The following EBAG9 variants were observed in gnomAD, a reference collection of about 807,000 sequenced individuals.
EBAG9 encodes the protein receptor-binding cancer antigen expressed on SiSo cells.
In EBAG9, 16 loss-of-function variants were observed where a neutral mutation model predicts 30.9. The ratio of observed to expected loss-of-function variants is 0.52; its 90% confidence interval spans 0.35 to 0.79. The LOEUF is 0.79. Among genes scored for constraint, EBAG9 ranks in the 30% least tolerant of loss-of-function variants. The pLI is 0.01. For synonymous variants in EBAG9, 93 were observed against 82.8 expected (o/e 1.12, Z -0.67); for missense variants, 197 against 242.1 (o/e 0.81, Z 1.24).
In EBAG9 at chr8:109,554,735, GT is replaced by G. The variant is rs1337045751; in HGVS notation, c.171del (p.Glu58LysfsTer14). The G allele has an allele frequency of 6.2e-7, 1 of 1,612,882 alleles. No homozygotes were observed. Among genetic ancestry groups the G allele is most frequent in the Non-Finnish European group, 8.5e-7 (1 of 1,179,402 alleles). ...DYSSVPKQTD[V>X]EEWTSWDEDA... is the part of the protein sequence containing the mutation. ...GTTGATCAATTAAATTTAGACAGATGTTGAAGAGTGGACTTCCTGGGATGAA... is the reference window on the plus strand; with the variant it reads ...GTTGATCAATTAAATTTAGACAGATGTGAAGAGTGGACTTCCTGGGATGAA... On this transcript the variant is annotated frameshift_variant, in exon 4 of 7. Coordinates refer to ENST00000337573, the MANE Select transcript of EBAG9 (RefSeq NM_004215.5). LOFTEE classifies it high-confidence loss of function.
At chr8:109,564,019 C>T (rs1181525497) in intron 6 of EBAG9, among the ~76,000 whole-genome samples, 1 of 151,986 alleles carries the variant, frequency 6.6e-6, no homozygotes, top group African/African-American at 2.4e-5. Flanking sequence ...ACTATAATAA[C>T]AGGAGATTAT....
chr8:109,548,887 C>CTTTTTTTTTTTTTTT (rs548152043), intron 1 of EBAG9, among the ~76,000 whole-genome samples: 11 of 125,102 alleles, frequency 8.8e-5, no homozygotes, highest in African/African-American at 1.5e-4. Flanking sequence ...TTTCTTTTTT[C>CTTTTTTTTTTTTTTT]TTTTTTTTTT....
chr8:109,548,501 T>C (rs1323418488), intron 1 of EBAG9, among the ~76,000 whole-genome samples: 1 of 152,140 alleles, frequency 6.6e-6, no homozygotes, highest in Non-Finnish European at 1.5e-5. Context: ...CTTTAGAAAT[T>C]AGCTTGTCAA....
At chr8:109,557,822 A>T in intron 5 of EBAG9, 1 of 378,036 alleles carries the variant, frequency 2.6e-6, no homozygotes, top group Non-Finnish European at 5.5e-6. Flanking sequence ...CACCTGACAA[A>T]TTAATGCTAT....
chr8:109,542,174 TCTC>T (rs766883117), intron 1 of EBAG9, among the ~76,000 whole-genome samples: 10 of 152,072 alleles, frequency 6.6e-5, no homozygotes, highest in East Asian at 1.9e-4. Flanking sequence ...GAGTATCAGT[TCTC>T]CTCTTTTATT....
rs184502213 is a variant in EBAG9 at position 109,543,541 on chromosome 8, A to C, written c.-16+3080A>C. On this transcript the variant is annotated intron_variant, in intron 1 of 6. Transcript: ENST00000337573. The stretch of plus-strand genomic sequence containing the variant: ...TTGAGGTATAGCATACAAACAGTAC[A>C]TACAGTCAAGTATGTGGTGTTACTA... Among the ~76,000 whole-genome samples, 33 of 152,306 alleles carry C rather than the reference A, an allele frequency of 2.2e-4. 1 individual carries two copies. Among genetic ancestry groups the C allele is most frequent in the Admixed American group, 1.9e-3 (29 of 15,296 alleles).
intron 5 of EBAG9, chr8:109,557,847 C>A: frequency 2.9e-6 from 1 of 340,300 alleles, no homozygotes; most frequent in Admixed American, 3.4e-5. Flanking sequence ...TTGCACAAAG[C>A]CTCAGTTCCT....
intron 1 of EBAG9, among the ~76,000 whole-genome samples, chr8:109,542,062 T>G (rs1563651608): frequency 6.6e-6 from 1 of 152,216 alleles, no homozygotes; most frequent in East Asian, 1.9e-4. Flanking sequence ...TACTCTGTGT[T>G]TAATTCAATG....
chr8:109,544,907 T>C (rs1209054274), intron 1 of EBAG9, among the ~76,000 whole-genome samples: 1 of 152,108 alleles, frequency 6.6e-6, no homozygotes, highest in African/African-American at 2.4e-5. Flanking sequence ...ATTTTTAAAA[T>C]TAAATAGTGA....
intron 3 of EBAG9, 148 bp from the exon 4 acceptor site, chr8:109,554,581 G>A: frequency 1.6e-6 from 1 of 642,694 alleles, no homozygotes; most frequent in Non-Finnish European, 2.6e-6. Flanking sequence ...ATCAAGTTTT[G>A]ATCTGTGATA....
intron 4 of EBAG9, among the ~76,000 whole-genome samples, 167 bp from the exon 5 acceptor site, chr8:109,556,768 G>A (rs962274833): frequency 7.9e-5 from 12 of 151,940 alleles, no homozygotes; most frequent in Non-Finnish European, 1.3e-4. Flanking sequence ...TAACTGATTT[G>A]TACAACAATT....
chr8:109,554,579 T>C lies in EBAG9; in HGVS notation c.163-150T>C, dbSNP rs554273701. 1.2e-4 allele frequency: 78 copies of C among 638,932 alleles called. 1 individual carries two copies. Among genetic ancestry groups the C allele is most frequent in the Admixed American group, 5.0e-4 (16 of 32,162 alleles). 39.6% of individuals were successfully genotyped at this position (638,932 alleles called of 1,614,324 possible). A position where few individuals can be genotyped will look rare whatever the true frequency, so the allele number is the denominator to read the frequency against. ...TATTTTTTGAACTTTTGATCAAGTT[T>C]TGATCTGTGATATGAAATGTATGTT... On this transcript the variant is annotated intron_variant, in intron 3 of 6. Coordinates refer to ENST00000337573, the MANE Select transcript of EBAG9 (RefSeq NM_004215.5).
chr8:109,553,345 C>T (rs1821531171), intron 2 of EBAG9, among the ~76,000 whole-genome samples: 1 of 152,190 alleles, frequency 6.6e-6, no homozygotes, highest in African/African-American at 2.4e-5. Flanking sequence ...ATGTTCTTAA[C>T]AACTGAGTTA....
chr8:109,555,641 T>C (rs1454442539), intron 4 of EBAG9, among the ~76,000 whole-genome samples: 2 of 152,164 alleles, frequency 1.3e-5, no homozygotes, highest in African/African-American at 4.8e-5. Flanking sequence ...TTATTGTTTG[T>C]AACCATTATA....
intron 2 of EBAG9, among the ~76,000 whole-genome samples, chr8:109,551,493 A>T (rs1396110735): frequency 6.6e-6 from 1 of 152,144 alleles, no homozygotes; most frequent in Non-Finnish European, 1.5e-5. Flanking sequence ...GTGCTGAGGC[A>T]CCTCAGGGCT....
intron 1 of EBAG9, among the ~76,000 whole-genome samples, chr8:109,547,585 A>G (rs539710012): frequency 6.6e-6 from 1 of 151,380 alleles, no homozygotes; most frequent in African/African-American, 2.4e-5. Flanking sequence ...GGTTCACGCC[A>G]TTCTCCTGCC....
At chr8:109,563,594 A>G (rs1400027144) in intron 6 of EBAG9, 1 of 1,391,906 alleles carries the variant, frequency 7.2e-7, no homozygotes, top group East Asian at 2.4e-5. Context: ...TTTTTTTTTT[A>G]AACTTAAGTT....
chr8:109,549,706 G>T (rs571753846), intron 1 of EBAG9, among the ~76,000 whole-genome samples: 8 of 152,156 alleles, frequency 5.3e-5, no homozygotes, highest in African/African-American at 1.9e-4. Context: ...CTCTAACAAT[G>T]TTATCTGTCT....
chr8:109,564,009 A>G (rs189211667), intron 6 of EBAG9, among the ~76,000 whole-genome samples: 142 of 152,184 alleles, frequency 9.3e-4, no homozygotes, highest in African/African-American at 3.2e-3. Context: ...GTTTGTAACT[A>G]CTATAATAAC....
Sources: gnomAD v4.1 joint callset for allele counts (sites outside exome capture counted in the v4.1 genomes callset) on GRCh38, gnomAD v4.1.1 for gene constraint, MANE v1.5 for transcripts, NCBI Gene and HGNC (gene_info 2026-07-23, HGNC 2026-07-21) for gene names.